SIPA1L2: variants seen among roughly 807,000 people sequenced by gnomAD.
SIPA1L2 encodes signal-induced proliferation-associated 1-like protein 2.
A neutral mutation model predicts 163.9 loss-of-function variants in SIPA1L2; 56 were observed. That is an observed-to-expected ratio of 0.34 (90% CI 0.28 to 0.43). The LOEUF is 0.43. Ranked by LOEUF, SIPA1L2 falls within the 20% of genes least tolerant of loss-of-function variation. SIPA1L2 has a pLI of 1.00. For synonymous variants in SIPA1L2, 877 were observed against 865.7 expected (o/e 1.01, Z -0.23); for missense variants, 1,974 against 2,193.5 (o/e 0.90, Z 2.00).
intron 18 of SIPA1L2, among the ~76,000 whole-genome samples, chr1:232,421,183 C>A (rs187526009): frequency 6.6e-5 from 10 of 152,284 alleles, no homozygotes; most frequent in Admixed American, 1.3e-4. Flanking sequence ...CTGGAGAAGA[C>A]ACTTCTCCGT....
rs778636218 is a variant in SIPA1L2, at chr1:232,460,900, C to T, written c.3082G>A (p.Gly1028Ser). The change falls in exon 10 of 23, where the codon GGC becomes AGC. Residue 1028 changes from glycine to serine, a missense_variant. This residue lies in a region of SIPA1L2 where 1,079 missense variants were observed against 1,150.7 expected (regional missense o/e 0.94). Coordinates refer to ENST00000674635, the MANE Select transcript of SIPA1L2 (RefSeq NM_020808.5). ...KVVIIQPHDDGSPRRGCSELC... is the reference protein window; with the variant it reads ...KVVIIQPHDDSSPRRGCSELC... ...CCCACGCCTTACCTTCGGGGCGAGC[C>T]GTCATCATGGGGCTGGATGATGACC... is the stretch of plus-strand genomic sequence containing the variant. The T allele has an allele frequency of 1.2e-5, 19 of 1,613,010 alleles. No homozygotes were observed. The highest frequency in any genetic ancestry group is 3.3e-5 in the South Asian group (3 of 91,080).
At chr1:232,500,863 T>C (rs1047259499) in intron 3 of SIPA1L2, among the ~76,000 whole-genome samples, 1 of 152,048 alleles carries the variant, frequency 6.6e-6, no homozygotes, top group Non-Finnish European at 1.5e-5. Context: ...AAATCTTTCC[T>C]AAAAAAGATT....
intron 1 of SIPA1L2, among the ~76,000 whole-genome samples, chr1:232,596,161 A>G (rs1661245332): frequency 6.6e-6 from 1 of 152,198 alleles, no homozygotes; most frequent in African/African-American, 2.4e-5. Flanking sequence ...AGGATTCCGG[A>G]AAGTCAAAGG....
At chr1:232,595,257 A>AG (rs1661194980) in intron 1 of SIPA1L2, among the ~76,000 whole-genome samples, 1 of 152,160 alleles carries the variant, frequency 6.6e-6, no homozygotes, top group Non-Finnish European at 1.5e-5. Flanking sequence ...ACTTACCCCC[A>AG]GCTCATCTAA....
At chr1:232,557,654 C>A (rs1658791447) in intron 2 of SIPA1L2, among the ~76,000 whole-genome samples, 1 of 152,192 alleles carries the variant, frequency 6.6e-6, no homozygotes, top group Non-Finnish European at 1.5e-5. Flanking sequence ...ACAGCTCTTG[C>A]CCTATTCCGT....
intron 16 of SIPA1L2, among the ~76,000 whole-genome samples, chr1:232,431,590 T>C (rs942254561): frequency 6.6e-6 from 1 of 152,062 alleles, no homozygotes; most frequent in African/African-American, 2.4e-5. Flanking sequence ...TTAGCACGAG[T>C]ATTCTGTTAA....
intron 2 of SIPA1L2, among the ~76,000 whole-genome samples, chr1:232,529,320 C>T (rs1310267308): frequency 6.6e-6 from 1 of 152,192 alleles, no homozygotes; most frequent in Admixed American, 6.5e-5. Context: ...CTTTTCCCCT[C>T]TAACTTTCCT....
chr1:232,561,505 C>T (rs1659034849), intron 2 of SIPA1L2: 1 of 152,136 alleles, frequency 6.6e-6, no homozygotes, highest in Admixed American at 6.5e-5. Flanking sequence ...ATCACATGTT[C>T]ATCCGATGTC....
intron 7 of SIPA1L2, 23 bp downstream of exon 7, chr1:232,479,604 G>C: frequency 6.3e-7 from 1 of 1,592,460 alleles, no homozygotes; most frequent in East Asian, 2.2e-5. Context: ...AGCGTAAAAA[G>C]CTCCAGGCTG....
chr1:232,510,363 CTA>C (rs1318203808), intron 3 of SIPA1L2, among the ~76,000 whole-genome samples: 1 of 152,086 alleles, frequency 6.6e-6, no homozygotes, highest in Non-Finnish European at 1.5e-5. Flanking sequence ...TGATGCGTGA[CTA>C]TAGTCTAGAA....
At chr1:232,449,621 G>C (rs1356867624) in intron 10 of SIPA1L2, among the ~76,000 whole-genome samples, 2 of 151,968 alleles carry the variant, frequency 1.3e-5, no homozygotes, top group Non-Finnish European at 2.9e-5. Flanking sequence ...AAAAAAAGGG[G>C]GAGAAAATTA....
intron 6 of SIPA1L2, among the ~76,000 whole-genome samples, chr1:232,481,898 A>C (rs1665377903): frequency 6.6e-6 from 1 of 152,208 alleles, no homozygotes; most frequent in South Asian, 2.1e-4. Context: ...GATTTGACCT[A>C]AGTCTTCTAA....
chr1:232,401,335 C>T (rs961644444), intron 22 of SIPA1L2, among the ~76,000 whole-genome samples: 1 of 152,178 alleles, frequency 6.6e-6, no homozygotes, highest in African/African-American at 2.4e-5. Context: ...AAACACACGA[C>T]CAGGAAAACA....
intron 2 of SIPA1L2, among the ~76,000 whole-genome samples, chr1:232,571,939 A>G (rs149852702): frequency 6.6e-6 from 1 of 152,200 alleles, no homozygotes. Flanking sequence ...ATCCAGCCTC[A>G]GGTATTTCTT....
chr1:232,438,889 GA>G (rs11338638), intron 15 of SIPA1L2, among the ~76,000 whole-genome samples: 43,981 of 143,854 alleles, frequency 0.31, 7,026 homozygotes, highest in East Asian at 0.48. Context: ...AACTTAATAG[GA>G]AAAAAAAAAA....
chr1:232,591,023 G>C (rs1660930838), intron 1 of SIPA1L2, among the ~76,000 whole-genome samples: 1 of 152,216 alleles, frequency 6.6e-6, no homozygotes, highest in South Asian at 2.1e-4. Context: ...TCAGAACACG[G>C]CTGATTTCAA....
chr1:232,538,731 T>G lies in SIPA1L2; in HGVS notation c.-269-23123A>C, dbSNP rs187077188. Among the ~76,000 whole-genome samples the G allele has an allele frequency of 2.5e-3, 382 of 151,016 alleles. 1 individual carries two copies. The highest frequency in any genetic ancestry group is 4.4e-3 in the Admixed American group (67 of 15,166). ...ACATGTGCTTGTATACACACATAAC[T>G]GAGAAGAAAAACTTTCAATAATTTG... On this transcript the variant is annotated intron_variant, in intron 2 of 22. Coordinates refer to ENST00000674635, the MANE Select transcript of SIPA1L2 (RefSeq NM_020808.5).
At chr1:232,508,857 T>A (rs148771993) in intron 3 of SIPA1L2, among the ~76,000 whole-genome samples, 13 of 152,340 alleles carry the variant, frequency 8.5e-5, no homozygotes, top group African/African-American at 3.1e-4. Flanking sequence ...TCTGGGAGGC[T>A]GAGGTGGGTG....
At position 232,465,456 on chromosome 1, in the gene SIPA1L2, G is replaced by T; in HGVS notation, c.2244-40C>A. ...ACAGAAACAAAATGAGATGAGCTAT[G>T]ATACCATAATATGTATCTTTCCGAA... is the stretch of plus-strand genomic sequence containing the variant. On this transcript the variant is annotated intron_variant, in intron 8 of 22. Transcript: ENST00000674635. This position sits in a 1 kb window ranked among gnomAD's most constrained non-coding sequence, Gnocchi z 4.1. 1 of 1,538,334 alleles carries T rather than the reference G, an allele frequency of 6.5e-7. No homozygotes were observed. Among genetic ancestry groups the T allele is most frequent in the South Asian group, 1.2e-5 (1 of 81,244 alleles).
Sources: allele counts gnomAD v4.1 joint callset (sites outside exome capture counted in the v4.1 genomes callset), GRCh38; gene constraint gnomAD v4.1.1; regional missense constraint gnomAD v4.1.1; non-coding constraint Gnocchi (gnomAD v3.1); transcripts MANE v1.5; gene names NCBI Gene and HGNC (gene_info 2026-07-23, HGNC 2026-07-21).